SMAD6: variants seen among roughly 807,000 people sequenced by gnomAD.
SMAD6 encodes the protein MAD homolog 6.
A neutral mutation model predicts 39.4 loss-of-function variants in SMAD6; 103 were observed. That is an observed-to-expected ratio of 2.62 (90% confidence interval 2.23 to 3.08). The LOEUF (loss-of-function observed/expected upper bound fraction) is 3.08. SMAD6 is among the 30% of genes most tolerant of loss of function. The pLI, the probability that SMAD6 is intolerant of heterozygous loss-of-function variation, is 0.00. For synonymous variants in SMAD6, 445 were observed against 353.3 expected, an observed-to-expected ratio of 1.26 and a Z score of -2.91; for missense variants, 1,104 against 742.9, an observed-to-expected ratio of 1.49 and a Z score of -5.65.
chr15:66,761,290 G>A (rs1232336191), intron 3 of SMAD6, among the ~76,000 whole-genome samples: 3 of 152,188 alleles, frequency 2.0e-5, no homozygotes, highest in Admixed American at 2.0e-4. Flanking sequence ...GCGAACGGGT[G>A]TGCAGAGACT....
chr15:66,781,209 T>C lies in SMAD6; in HGVS notation c.1165T>C (p.Phe389Leu), dbSNP rs1330952904. ...SVRRTRSKIG[F>L]GILLSKEPDG... is the part of the protein sequence containing the mutation. ...GCGGCGAACGCGCAGCAAGATCGGC[T>C]TCGGCATCCTGCTCAGCAAGGAGCC... is the stretch of plus-strand genomic sequence containing the variant. Residue 389 changes from phenylalanine to leucine, a missense_variant, in exon 4 of 4, where the codon TTC becomes CTC. Transcript: ENST00000288840. 3.7e-6 allele frequency: 6 copies of C among 1,608,450 alleles called. No homozygotes were observed. The highest frequency in any genetic ancestry group is 5.1e-6 in the Non-Finnish European group (6 of 1,179,738).
chr15:66,766,718 C>T (rs886703639), intron 3 of SMAD6, among the ~76,000 whole-genome samples: 3 of 152,182 alleles, frequency 2.0e-5, no homozygotes, highest in Non-Finnish European at 4.4e-5. Flanking sequence ...CCTCCTCTCA[C>T]CTATCACACA....
At chr15:66,777,751 G>T (rs77585828) in intron 3 of SMAD6, among the ~76,000 whole-genome samples, 5,260 of 152,306 alleles carry the variant, frequency 0.035, 133 homozygotes, top group Admixed American at 0.077. Flanking sequence ...CAGAGTGGCA[G>T]TCTGTCTCCC....
At chr15:66,755,915 G>T (rs917871285) in intron 3 of SMAD6, among the ~76,000 whole-genome samples, 1 of 152,112 alleles carries the variant, frequency 6.6e-6, no homozygotes, top group Non-Finnish European at 1.5e-5. Flanking sequence ...GCTGGGTTTG[G>T]CCCCCACCAC....
chr15:66,731,974 C>T lies in SMAD6; in HGVS notation c.952+15476C>T, dbSNP rs939565620. 5.6e-5 allele frequency among the ~76,000 whole-genome samples: 8 copies of T among 143,284 alleles called. 1 individual carries two copies. Among genetic ancestry groups the T allele is most frequent in the South Asian group, 2.2e-4 (1 of 4,600 alleles). 94.0% of individuals were successfully genotyped at this position (143,284 alleles called of 152,430 possible). ...TTTTTTTTTTTTTGAGACAGAGTCT[C>T]GTGCCATCACCCAGGCTAGAGTGCA... On this transcript the variant is annotated intron_variant, in intron 3 of 3. Transcript: ENST00000288840.
intron 3 of SMAD6, among the ~76,000 whole-genome samples, chr15:66,771,143 G>T (rs1323278956): frequency 2.0e-5 from 3 of 152,208 alleles, no homozygotes; most frequent in African/African-American, 7.2e-5. Context: ...TGGAGGGCAG[G>T]TAGAGGCGTG....
intron 1 of SMAD6, chr15:66,704,515 A>G (rs1375476513): frequency 6.3e-6 from 1 of 158,248 alleles, no homozygotes; most frequent in Non-Finnish European, 1.4e-5. Flanking sequence ...TCTATGTCCA[A>G]GTAGCTGTAA....
intron 3 of SMAD6, among the ~76,000 whole-genome samples, chr15:66,729,408 G>C (rs976274510): frequency 6.6e-6 from 1 of 152,342 alleles, no homozygotes; most frequent in Middle Eastern, 3.4e-3. Flanking sequence ...TTCACCGGTA[G>C]CCAAAACATT....
chr15:66,765,863 C>T (rs925817177), intron 3 of SMAD6, among the ~76,000 whole-genome samples: 2 of 152,122 alleles, frequency 1.3e-5, no homozygotes, highest in African/African-American at 2.4e-5. Context: ...GGATGTTGTG[C>T]GACACTTGAT....
intron 3 of SMAD6, among the ~76,000 whole-genome samples, chr15:66,741,349 C>G (rs1045729741): frequency 1.3e-5 from 2 of 151,918 alleles, no homozygotes; most frequent in Non-Finnish European, 2.9e-5. Flanking sequence ...AAATCCATCA[C>G]GTTTGAGGTG....
chr15:66,735,262 A>G (rs1893693641), intron 3 of SMAD6, among the ~76,000 whole-genome samples: 3 of 152,090 alleles, frequency 2.0e-5, no homozygotes, highest in Admixed American at 1.3e-4. Context: ...GTGCCTGCCT[A>G]TTTGGCCTCT....
chr15:66,706,703 C>G (rs1020250090), intron 1 of SMAD6: 1 of 152,470 alleles, frequency 6.6e-6, no homozygotes, highest in African/African-American at 2.4e-5. Context: ...GCAAAGTACA[C>G]TGGAACACCG....
At chr15:66,719,525 T>C (rs1264698419) in intron 3 of SMAD6, among the ~76,000 whole-genome samples, 2 of 152,182 alleles carry the variant, frequency 1.3e-5, no homozygotes, top group Admixed American at 1.3e-4. Flanking sequence ...TGTCCTGGGA[T>C]GTACGTCATC....
At chr15:66,706,163 TGGTCCCA>T (rs1308128728) in intron 1 of SMAD6, 1 of 152,276 alleles carries the variant, frequency 6.6e-6, no homozygotes, top group Non-Finnish European at 1.5e-5. Context: ...ACCATGGACC[TGGTCCCA>T]GGCTCTGCCC....
At chr15:66,772,044 G>A (rs556426297) in intron 3 of SMAD6, among the ~76,000 whole-genome samples, 36 of 152,290 alleles carry the variant, frequency 2.4e-4, no homozygotes, top group African/African-American at 4.3e-4. Context: ...TGTCACCTTC[G>A]AGGATCCCTC....
rs1383336873 is a variant in SMAD6, at chr15:66,781,375, C to CG, written c.1334dup (p.Leu446ProfsTer119). On this transcript the variant is annotated frameshift_variant, in exon 4 of 4. Coordinates refer to ENST00000288840, the MANE Select transcript of SMAD6 (RefSeq NM_005585.5). LOFTEE classifies it high-confidence loss of function. ...ATCAAGGTGTTCGACTTCGAGCGCT[C>CG]GGGCCTGCAGCACGCGCCCGAGCCC... is the stretch of plus-strand genomic sequence containing the variant. The CG allele has an allele frequency of 6.2e-7, 1 of 1,600,460 alleles. No homozygotes were observed. The highest frequency in any genetic ancestry group is 8.5e-7 in the Non-Finnish European group (1 of 1,176,570).
At chr15:66,759,591 T>C (rs1275963250) in intron 3 of SMAD6, among the ~76,000 whole-genome samples, 4 of 152,224 alleles carry the variant, frequency 2.6e-5, no homozygotes, top group African/African-American at 9.6e-5. Flanking sequence ...TGTATATCTT[T>C]ATAGATGCTC....
At chr15:66,721,778 TTGTTTCTGCCC>T (rs1893437147) in intron 3 of SMAD6, among the ~76,000 whole-genome samples, 1 of 152,148 alleles carries the variant, frequency 6.6e-6, no homozygotes, top group East Asian at 1.9e-4. Flanking sequence ...AAAAGTTACA[TTGTTTCTGCCC>T]TCAAGGTATT....
At chr15:66,756,652 A>C (rs1894105317) in intron 3 of SMAD6, among the ~76,000 whole-genome samples, 1 of 127,212 alleles carries the variant, frequency 7.9e-6, no homozygotes, top group Non-Finnish European at 1.6e-5. Flanking sequence ...GGTCCCATAC[A>C]CATGGCAGAA....
Sources: gnomAD v4.1 joint callset for allele counts (sites outside exome capture counted in the v4.1 genomes callset) on GRCh38, gnomAD v4.1.1 for gene constraint, MANE v1.5 for transcripts, NCBI Gene and HGNC (gene_info 2026-07-23, HGNC 2026-07-21) for gene names.